Variants in BTBD10 observed in about 807,000 individuals in gnomAD.
BTBD10 encodes BTB/POZ domain-containing protein 10.
Under a neutral mutation model 53.2 loss-of-function variants are expected in BTBD10, and 21 were observed. The observed-to-expected ratio is 0.39, with a 90% CI of 0.28 to 0.57. The LOEUF (loss-of-function observed/expected upper bound fraction) is 0.57, where lower values mean the gene tolerates loss of function less well. Ranked by LOEUF, BTBD10 falls within the 20% of genes least tolerant of loss-of-function variation. The pLI, the probability that BTBD10 is intolerant of heterozygous loss-of-function variation, is 0.53. For synonymous variants in BTBD10, 149 were observed against 192.7 expected, an observed-to-expected ratio of 0.77 and a Z score of 1.88; for missense variants, 360 against 594.7, an observed-to-expected ratio of 0.61 and a Z score of 4.10.
intron 5 of BTBD10, among the ~76,000 whole-genome samples, chr11:13,414,846 A>AT (rs1950058815): frequency 1.0e-5 from 1 of 95,670 alleles, no homozygotes; most frequent in Non-Finnish European, 2.2e-5. Flanking sequence ...TCTCAAACGA[A>AT]AAAAAAAAAA....
intron 2 of BTBD10, among the ~76,000 whole-genome samples, chr11:13,432,884 G>C (rs542987467): frequency 1.3e-5 from 2 of 152,046 alleles, no homozygotes; most frequent in East Asian, 3.9e-4. Context: ...CTGTTCTAGA[G>C]AGAACAGAGA....
chr11:13,435,301 G>A (rs1030972097), intron 2 of BTBD10, among the ~76,000 whole-genome samples: 6 of 152,060 alleles, frequency 3.9e-5, no homozygotes, highest in Non-Finnish European at 7.4e-5. Flanking sequence ...TAACTACACT[G>A]TGCCAGTTAC....
chr11:13,399,542 C>G (rs984903454), intron 8 of BTBD10, among the ~76,000 whole-genome samples: 2 of 152,204 alleles, frequency 1.3e-5, no homozygotes, highest in African/African-American at 4.8e-5. Context: ...CTTCCTCTCT[C>G]AACTCGTCAA....
intron 8 of BTBD10, among the ~76,000 whole-genome samples, chr11:13,393,122 T>C (rs1448665692): frequency 6.6e-6 from 1 of 152,158 alleles, no homozygotes; most frequent in African/African-American, 2.4e-5. Flanking sequence ...ATTTGTGCTT[T>C]CCCACAACAC....
At chr11:13,436,330 G>T (rs1950542953) in intron 2 of BTBD10, among the ~76,000 whole-genome samples, 2 of 152,160 alleles carry the variant, frequency 1.3e-5, no homozygotes, top group Admixed American at 1.3e-4. Context: ...AGAATGTTTA[G>T]CAGCATCCCT....
chr11:13,455,289 T>A (rs1950940371), intron 1 of BTBD10, among the ~76,000 whole-genome samples: 1 of 152,254 alleles, frequency 6.6e-6, no homozygotes, highest in Non-Finnish European at 1.5e-5. Context: ...CAACCCTTAA[T>A]GTTCCAGAGG....
intron 2 of BTBD10, among the ~76,000 whole-genome samples, chr11:13,424,025 C>A (rs1950291268): frequency 6.6e-6 from 1 of 151,910 alleles, no homozygotes; most frequent in African/African-American, 2.4e-5. Flanking sequence ...TTTAAAAAAT[C>A]ATTAGAGTAG....
At chr11:13,412,724 C>T (rs966089421) in intron 6 of BTBD10, among the ~76,000 whole-genome samples, 8 of 152,154 alleles carry the variant, frequency 5.3e-5, no homozygotes, top group African/African-American at 1.9e-4. Context: ...TTCTTTACTA[C>T]GTATTTCCAC....
chr11:13,397,639 G>A (rs1419072053), intron 8 of BTBD10, among the ~76,000 whole-genome samples: 1 of 152,192 alleles, frequency 6.6e-6, no homozygotes, highest in East Asian at 1.9e-4. Context: ...ATGTTAGGGT[G>A]TCAATTTTAG....
At chr11:13,415,348 CA>C (rs549092665) in intron 5 of BTBD10, among the ~76,000 whole-genome samples, 1,578 of 152,302 alleles carry the variant, frequency 0.01, 10 homozygotes, top group Non-Finnish European at 0.016. Context: ...GGCAAACTGA[CA>C]AACTGCATCT....
At chr11:13,401,111 ATAT>A (rs937949084) in intron 8 of BTBD10, among the ~76,000 whole-genome samples, 3 of 143,714 alleles carry the variant, frequency 2.1e-5, no homozygotes, top group African/African-American at 2.5e-5. Flanking sequence ...TAGGAGTGAA[ATAT>A]TATATATCAG....
intron 8 of BTBD10, among the ~76,000 whole-genome samples, chr11:13,402,168 C>CCAAA (rs1286462467): frequency 6.6e-6 from 1 of 152,100 alleles, no homozygotes; most frequent in Non-Finnish European, 1.5e-5. Flanking sequence ...CTTTTTAAGC[C>CCAAA]CAAAGTCTCT....
At chr11:13,446,459 T>C (rs1270225655) in intron 1 of BTBD10, among the ~76,000 whole-genome samples, 3 of 152,204 alleles carry the variant, frequency 2.0e-5, no homozygotes, top group Admixed American at 6.5e-5. Flanking sequence ...TTTTTTCTCA[T>C]AGTACCTTCT....
At chr11:13,416,559 T>C (rs1950118460) in intron 5 of BTBD10, among the ~76,000 whole-genome samples, 1 of 152,218 alleles carries the variant, frequency 6.6e-6, no homozygotes, top group Non-Finnish European at 1.5e-5. Flanking sequence ...GAAGTAAATA[T>C]GACTCCAGAA....
At chr11:13,436,520 C>T (rs1356232183) in intron 2 of BTBD10, among the ~76,000 whole-genome samples, 1 of 152,198 alleles carries the variant, frequency 6.6e-6, no homozygotes, top group Non-Finnish European at 1.5e-5. Flanking sequence ...TAGAACAATA[C>T]TGAGCACCTT....
intron 8 of BTBD10, among the ~76,000 whole-genome samples, chr11:13,397,743 C>T (rs1949594237): frequency 1.3e-5 from 2 of 152,162 alleles, no homozygotes; most frequent in Admixed American, 1.3e-4. Flanking sequence ...TATGTTGTGT[C>T]TTTTTTCTCA....
chr11:13,405,531 T>A, intron 7 of BTBD10, 128 bp downstream of exon 7: 5 of 1,024,356 alleles, frequency 4.9e-6, no homozygotes, highest in Non-Finnish European at 7.1e-6. Flanking sequence ...TACATAAAAC[T>A]TAATTTATAA....
At chr11:13,393,704 A>T (rs1450591097) in intron 8 of BTBD10, among the ~76,000 whole-genome samples, 1 of 152,216 alleles carries the variant, frequency 6.6e-6, no homozygotes, top group African/African-American at 2.4e-5. Flanking sequence ...GCCCAATATC[A>T]TAGATTGTAG....
intron 2 of BTBD10, among the ~76,000 whole-genome samples, chr11:13,428,518 T>G (rs1464275870): frequency 2.0e-5 from 3 of 151,428 alleles, no homozygotes; most frequent in African/African-American, 7.3e-5. Flanking sequence ...CCTAAACAAC[T>G]CACAGAGCAA....
Sources: gnomAD v4.1 joint callset for allele counts (sites outside exome capture counted in the v4.1 genomes callset) on GRCh38, gnomAD v4.1.1 for gene constraint, MANE v1.5 for transcripts, NCBI Gene and HGNC (gene_info 2026-07-23, HGNC 2026-07-21) for gene names.